PLCG2: variants seen among roughly 807,000 people sequenced by gnomAD.
The protein encoded by PLCG2 is phospholipase C gamma 2.
A neutral mutation model predicts 175.6 loss-of-function variants in PLCG2; 69 were observed. The ratio of observed to expected loss-of-function variants is 0.39; its 90% CI spans 0.32 to 0.48. The LOEUF (loss-of-function observed/expected upper bound fraction) is 0.48. Among genes scored for constraint, PLCG2 ranks in the 20% least tolerant of loss-of-function variants. The probability of loss-of-function intolerance (pLI) is 0.91; values close to 1 mark genes in which losing one functional copy is unlikely to be tolerated. For missense variants in PLCG2, 1,798 were observed against 1,650.9 expected (o/e 1.09, Z -1.54); for synonymous variants, 827 against 624.0 (o/e 1.33, Z -4.85).
At chr16:81,883,977 C>T (rs917783502) in intron 9 of PLCG2, among the ~76,000 whole-genome samples, 1 of 152,190 alleles carries the variant, frequency 6.6e-6, no homozygotes, top group Non-Finnish European at 1.5e-5. Flanking sequence ...GAGGCTGCTG[C>T]CGGCATCTAG....
chr16:81,858,402 A>T (rs779818390), intron 4 of PLCG2, 46 bp downstream of exon 4: 2 of 1,324,518 alleles, frequency 1.5e-6, no homozygotes, highest in Non-Finnish European at 2.2e-6. Flanking sequence ...TGATTCCTTT[A>T]TTCTGCTGCC....
intron 9 of PLCG2, among the ~76,000 whole-genome samples, chr16:81,885,323 C>A (rs532410892): frequency 1.2e-5 from 1 of 80,284 alleles, no homozygotes; most frequent in Non-Finnish European, 2.6e-5. Flanking sequence ...CACGCCCAGC[C>A]CCGACTAATT....
At chr16:81,761,002 C>T (rs1697320280) in intron 2 of PLCG2, among the ~76,000 whole-genome samples, 2 of 152,122 alleles carry the variant, frequency 1.3e-5, no homozygotes, top group Admixed American at 1.3e-4. Context: ...CTCCTGGGCT[C>T]AGGTGATTCT....
intron 30 of PLCG2, among the ~76,000 whole-genome samples, chr16:81,945,196 A>G (rs767256158): frequency 6.6e-6 from 1 of 152,238 alleles, no homozygotes; most frequent in Non-Finnish European, 1.5e-5. Flanking sequence ...AAAGCAACTG[A>G]GAGTATAAAA....
chr16:81,783,208 A>G (rs1910819104), intron 1 of PLCG2: 2 of 460,298 alleles, frequency 4.3e-6, no homozygotes, highest in Non-Finnish European at 4.4e-6. Flanking sequence ...GGGAGTGGGG[A>G]ACTCCAGGAT....
At chr16:81,945,851 G>A (rs1018535189) in intron 30 of PLCG2, among the ~76,000 whole-genome samples, 3 of 152,322 alleles carry the variant, frequency 2.0e-5, no homozygotes, top group Admixed American at 2.0e-4. Flanking sequence ...GAGTATTTAA[G>A]GAATTGAACC....
chr16:81,896,024 C>T lies in PLCG2; in HGVS notation c.1193+97C>T, dbSNP rs911886619. 7 of 1,452,036 alleles carry T rather than the reference C, an allele frequency of 4.8e-6. No individual in the cohort carries two copies. The South Asian group carries it at 8.3e-5, about 17-fold the overall frequency. The allele number at this position is 1,452,036 out of a possible 1,614,324, so 89.9% of individuals were successfully genotyped here. On this transcript the variant is annotated intron_variant, in intron 13 of 32. Transcript: ENST00000564138. ...GACAGGCAAACACACACAGACACCT[C>T]CCTCCAAATGCGGGAAGGCCTGGGC... is the stretch of plus-strand genomic sequence containing the variant.
intron 7 of PLCG2, among the ~76,000 whole-genome samples, chr16:81,877,753 TCTTGGCGTGTAGATGTCATTGCATCGCTC>T (rs1433826889): frequency 2.6e-5 from 4 of 151,928 alleles, no homozygotes; most frequent in African/African-American, 9.7e-5. Flanking sequence ...CGTCATCGCT[TCTTGGCGTGTAGATGTCATTGCATCGCTC>T]CTTGGCTTGT....
chr16:81,899,289 TACACACACACACAC>T (rs111338797), intron 13 of PLCG2, among the ~76,000 whole-genome samples: 2 of 92,416 alleles, frequency 2.2e-5, no homozygotes, highest in African/African-American at 7.6e-5. Flanking sequence ...TATATATATA[TACACACACACACAC>T]ATAAATATAT....
chr16:81,933,236 T>C (rs1285785905), intron 25 of PLCG2, among the ~76,000 whole-genome samples: 1 of 152,038 alleles, frequency 6.6e-6, no homozygotes, highest in Admixed American at 6.6e-5. Flanking sequence ...ATCTGAGGGG[T>C]AAAAAAACTG....
At position 81,959,279 on chromosome 16, in the gene PLCG2, A is replaced by C. The variant is rs1911693584; in HGVS notation, c.*1281A>C. ...GGATGGAACTGGCCCCTAGAAACCCATCTGACCCTCCTCTTGTTACCCGAA... is the reference window on the plus strand; with the variant it reads ...GGATGGAACTGGCCCCTAGAAACCCCTCTGACCCTCCTCTTGTTACCCGAA... On this transcript the variant is annotated 3_prime_UTR_variant, in exon 33 of 33. Transcript: ENST00000564138. 4.5e-6 allele frequency: 1 copy of C among 223,354 alleles called. No homozygotes were observed. The highest frequency in any genetic ancestry group is 2.2e-5 in the African/African-American group (1 of 44,708). 13.8% of individuals were successfully genotyped at this position (223,354 alleles called of 1,614,324 possible).
Position 81,809,802 on chromosome 16 carries a change from T to C in PLCG2, c.193+23620T>C, listed in dbSNP as rs1008764316. ...TCTGATGTCCCAGTTATTGCTGCCC[T>C]CAGCAGAGTCAGGATTTTTTGGCCG... On this transcript the variant is annotated intron_variant, in intron 2 of 32. Coordinates refer to ENST00000564138, the MANE Select transcript of PLCG2 (RefSeq NM_002661.5). Among the ~76,000 whole-genome samples the C allele has an allele frequency of 2.5e-5, 3 of 118,848 alleles. No individual in the cohort carries two copies. The Admixed American group carries it at 3.4e-4, about 13-fold the overall frequency. The allele number at this position is 118,848 out of a possible 152,430, so 78.0% of individuals were successfully genotyped here.
intron 1 of PLCG2, among the ~76,000 whole-genome samples, chr16:81,750,100 A>G (rs1909777729): frequency 6.6e-6 from 1 of 152,196 alleles, no homozygotes; most frequent in South Asian, 2.1e-4. Flanking sequence ...CAAACATAGA[A>G]AACAATGTAT....
At chr16:81,895,601 C>T (rs1236720199) in intron 12 of PLCG2, 5 of 504,300 alleles carry the variant, frequency 9.9e-6, no homozygotes, top group Non-Finnish European at 3.5e-6. Context: ...TTGAAACTAG[C>T]TTGTCTTGGA....
At chr16:81,878,645 G>C (rs1375220061) in intron 7 of PLCG2, among the ~76,000 whole-genome samples, 1 of 152,036 alleles carries the variant, frequency 6.6e-6, no homozygotes, top group East Asian at 1.9e-4. Context: ...GCCTCCTAGA[G>C]CACTTCATCT....
At position 81,962,109 on chromosome 16, in the gene PLCG2, T is replaced by G. The variant is rs142941381; in HGVS notation, c.*4111T>G. On this transcript the variant is annotated 3_prime_UTR_variant, in exon 33 of 33. Coordinates refer to ENST00000564138, the MANE Select transcript of PLCG2 (RefSeq NM_002661.5). ...CCGATAGAGGAGGACCGGTCTTCGG[T>G]CAAGGGTATACGAGTAGCTGCGCTC... The G allele has an allele frequency of 2.1e-3, 386 of 185,752 alleles. 3 individuals are homozygous for G. The highest frequency in any genetic ancestry group is 8.4e-3 in the African/African-American group (360 of 42,716). 11.5% of individuals were successfully genotyped at this position (185,752 alleles called of 1,614,324 possible).
intron 27 of PLCG2, chr16:81,937,496 T>C (rs904162299): frequency 9.0e-6 from 3 of 334,844 alleles, no homozygotes; most frequent in Non-Finnish European, 1.6e-5. Context: ...ATGCAATTTA[T>C]TGCTACATAG....
intron 7 of PLCG2, among the ~76,000 whole-genome samples, chr16:81,878,320 C>T (rs973096114): frequency 5.3e-5 from 8 of 152,054 alleles, no homozygotes; most frequent in Non-Finnish European, 8.8e-5. Context: ...GCACTGGATT[C>T]GGGTCCACCC....
rs556832038 is a variant in PLCG2, at chr16:81,913,725, G to A, written c.2054+1009G>A. On this transcript the variant is annotated intron_variant, in intron 19 of 32. Coordinates refer to ENST00000564138, the MANE Select transcript of PLCG2 (RefSeq NM_002661.5). ...TGGGCGCGGTGGTGCTGGCTGCATG[G>A]CAGCTACTGTGGGGTGTGTGGTTTG... Among the ~76,000 whole-genome samples, 688 of 152,330 alleles carry A rather than the reference G, an allele frequency of 4.5e-3. 11 individuals are homozygous for A. Among genetic ancestry groups the A allele is most frequent in the Middle Eastern group, 6.8e-3 (2 of 294 alleles).
Sources: gnomAD v4.1 joint callset for allele counts (sites outside exome capture counted in the v4.1 genomes callset) on GRCh38, gnomAD v4.1.1 for gene constraint, MANE v1.5 for transcripts, NCBI Gene and HGNC (gene_info 2026-07-23, HGNC 2026-07-21) for gene names.